RASAL3: variants seen among roughly 807,000 people sequenced by gnomAD.
RASAL3 encodes RAS protein activator like-3.
Under a neutral mutation model 105.5 loss-of-function variants are expected in RASAL3, and 74 were observed. The ratio of observed to expected loss-of-function variants is 0.70; its 90% CI spans 0.58 to 0.85. RASAL3 has a LOEUF of 0.85. Among genes scored for constraint, RASAL3 ranks in the 40% least tolerant of loss-of-function variants. The pLI is 0.00. For missense variants in RASAL3, 1,352 were observed against 1,392.0 expected (o/e 0.97, Z 0.46); for synonymous variants, 579 against 591.6 (o/e 0.98, Z 0.31).
At chr19:15,461,690 G>A in intron 2 of RASAL3, 83 bp from the exon 3 acceptor site, 2 of 1,426,216 alleles carry the variant, frequency 1.4e-6, no homozygotes, top group South Asian at 3.2e-5. Context: ...AAGGCTCATG[G>A]TGGGTTCCCT....
intron 2 of RASAL3, among the ~76,000 whole-genome samples, chr19:15,462,950 CA>C (rs1250475472): frequency 3.5e-5 from 5 of 144,388 alleles, no homozygotes; most frequent in Admixed American, 6.9e-5. Context: ...GACTCCATCT[CA>C]AAAAAAAAAT....
In RASAL3 at chr19:15,452,683, C is replaced by T. The variant is rs1970194116; in HGVS notation, c.2803G>A (p.Asp935Asn). 3 of 1,550,726 alleles carry T rather than the reference C, an allele frequency of 1.9e-6. No individual in the cohort carries two copies. The highest frequency in any genetic ancestry group is 2.0e-5 in the Admixed American group (1 of 51,026). The change falls in exon 16 of 18, where the codon GAT becomes AAT. Residue 935 changes from aspartate (D) to asparagine (N), a missense_variant. Transcript: ENST00000343625. ...CCAGCACGGAGCCTGGAGTCCAGAT[C>T]CTGCAGCTGGCCCCGCAGCTGCTCC... ...QQEQLRGQLQ[D>N]LDSRLRAGSS... is the part of the protein sequence containing the mutation.
In RASAL3 at chr19:15,457,692, GC is replaced by G; in HGVS notation, c.1030del (p.Ala344ProfsTer137). 6.9e-7 allele frequency: 1 copy of G among 1,459,256 alleles called. No homozygotes were observed. Among genetic ancestry groups the G allele is most frequent in the Non-Finnish European group, 9.0e-7 (1 of 1,108,536 alleles). The allele number at this position is 1,459,256 out of a possible 1,614,324, so 90.4% of individuals were successfully genotyped here. ...GALLARTAPR[A>X]GPGQLFWAER... ...GGCCCAGAAGAGCTGGCCTGGGCCG[GC>G]CCGAGGCGCCGTGCGTGCCAGCAGC... On this transcript the variant is annotated frameshift_variant, in exon 9 of 18. Coordinates refer to ENST00000343625, the MANE Select transcript of RASAL3 (RefSeq NM_022904.3). LOFTEE classifies it high-confidence loss of function. The surrounding 1 kb of genome is among the most constrained non-coding windows in gnomAD (Gnocchi z 8.6).
At chr19:15,458,708 C>T in intron 6 of RASAL3, 53 bp from the exon 7 acceptor site, 1 of 1,587,014 alleles carries the variant, frequency 6.3e-7, no homozygotes. Context: ...CCCCATCCCC[C>T]ATAGCCTGAA....
At position 15,457,279 on chromosome 19, in the gene RASAL3, C is replaced by A; in HGVS notation, c.1431+13G>T. 7.9e-7 allele frequency: 1 copy of A among 1,272,174 alleles called. No individual in the cohort carries two copies. Among genetic ancestry groups the A allele is most frequent in the South Asian group, 2.3e-5 (1 of 43,072 alleles). 78.8% of individuals were successfully genotyped at this position (1,272,174 alleles called of 1,614,324 possible). On this transcript the variant is annotated intron_variant, in intron 9 of 17. Transcript: ENST00000343625. This position sits in a 1 kb window ranked among gnomAD's most constrained non-coding sequence, Gnocchi z 8.6. The stretch of plus-strand genomic sequence containing the variant: ...CCCTGGTAGCCCCGGTCCGCGCTGT[C>A]GCGGTGCCGCACCTGCGCCCGGCCG...
At chr19:15,463,978 CA>C in intron 2 of RASAL3, 52 bp downstream of exon 2, 1 of 1,473,288 alleles carries the variant, frequency 6.8e-7, no homozygotes, top group Non-Finnish European at 9.1e-7. Context: ...AGACAAAACC[CA>C]AGCATCCGGC....
In RASAL3 at chr19:15,456,648, T is replaced by C; in HGVS notation, c.1432-2A>G. On this transcript the variant is annotated splice_acceptor_variant, in intron 9 of 17. Transcript: ENST00000343625. LOFTEE classifies it high-confidence loss of function. The surrounding 1 kb of genome is among the most constrained non-coding windows in gnomAD (Gnocchi z 4.4). Reference sequence around the variant, plus strand: ...AGTGCCCAGGTCAGTCACCAGCGCCTAGGAAGGGCAGGAGGTCAGGTTGCA... The same window carrying C: ...AGTGCCCAGGTCAGTCACCAGCGCCCAGGAAGGGCAGGAGGTCAGGTTGCA... 1 of 1,611,242 alleles carries C rather than the reference T, an allele frequency of 6.2e-7. No individual in the cohort carries two copies. The highest frequency in any genetic ancestry group is 8.5e-7 in the Non-Finnish European group (1 of 1,179,276).
At position 15,456,379 on chromosome 19, in the gene RASAL3, G is replaced by A; in HGVS notation, c.1576+123C>T. ...TTGGGGAGCTCCCAATTGTCCCCAG[G>A]ATCCTAGCACCCCCAAAACACCACT... is the stretch of plus-strand genomic sequence containing the variant. On this transcript the variant is annotated intron_variant, in intron 10 of 17. Transcript: ENST00000343625. The surrounding 1 kb of genome is among the most constrained non-coding windows in gnomAD (Gnocchi z 4.4). 1.3e-6 allele frequency: 2 copies of A among 1,520,086 alleles called. No individual in the cohort carries two copies. Among genetic ancestry groups the A allele is most frequent in the Non-Finnish European group, 1.8e-6 (2 of 1,124,318 alleles). The allele number at this position is 1,520,086 out of a possible 1,614,324, so 94.2% of individuals were successfully genotyped here.
Position 15,458,611 on chromosome 19 carries a change from G to A in RASAL3, c.707C>T (p.Ser236Phe), listed in dbSNP as rs1970406503. The change falls in exon 7 of 18, where the codon TCT becomes TTT. Residue 236 changes from serine (S) to phenylalanine (F), a missense_variant. Physicochemically the swap from Ser to Phe is radical, Grantham distance 155. Transcript: ENST00000343625. ...CCGCTCGGCACCCAGGTCCAGTTCA[G>A]AGAGTGTGGCCAGCGACTCCCTAGA... ...LGSRESLATL[S>F]ELDLGAERDV... is the part of the protein sequence containing the mutation. 6.2e-7 allele frequency: 1 copy of A among 1,613,684 alleles called. No individual in the cohort carries two copies. The highest frequency in any genetic ancestry group is 2.2e-5 in the East Asian group (1 of 44,876).
chr19:15,458,467 G>A (rs1287128879), intron 7 of RASAL3, 41 bp from the exon 8 acceptor site: 3 of 1,613,572 alleles, frequency 1.9e-6, no homozygotes, highest in Non-Finnish European at 2.5e-6. Context: ...CGAGGCCAAG[G>A]GTGAAGCCAA....
chr19:15,456,518 G>A lies in RASAL3; in HGVS notation c.1560C>T (p.Tyr520=). ...CCAGCTCACCCAGGGTCTCCTGGAG[G>A]TAATCCTGTGCCACGAGCTTCATGT... is the stretch of plus-strand genomic sequence containing the variant. ...DEYMKLVAQD[Y]LQETLGQVVR... The change falls in exon 10 of 18, where the codon TAC becomes TAT. Residue 520 remains tyrosine (Y), a synonymous_variant. Transcript: ENST00000343625. This position sits in a 1 kb window ranked among gnomAD's most constrained non-coding sequence, Gnocchi z 4.4. 4 of 1,613,792 alleles carry A rather than the reference G, an allele frequency of 2.5e-6. No individual in the cohort carries two copies. Among genetic ancestry groups the A allele is most frequent in the South Asian group, 1.1e-5 (1 of 91,046 alleles).
chr19:15,464,538 C>G lies in RASAL3; in HGVS notation c.-53G>C. 1 of 652,822 alleles carries G rather than the reference C, an allele frequency of 1.5e-6. No homozygotes were observed. The allele number at this position is 652,822 out of a possible 1,614,324, so 40.4% of individuals were successfully genotyped here. Reference sequence around the variant, plus strand: ...CCTGACCAGCCCCAGAATCAGCAGCCGTCTGCACCCCGCCTGGCTTCCTCC... The same window carrying G: ...CCTGACCAGCCCCAGAATCAGCAGCGGTCTGCACCCCGCCTGGCTTCCTCC... On this transcript the variant is annotated 5_prime_UTR_variant, in exon 1 of 18. Coordinates refer to ENST00000343625, the MANE Select transcript of RASAL3 (RefSeq NM_022904.3).
Position 15,464,140 on chromosome 19 carries a change from C to T in RASAL3, c.219G>A (p.Ala73=). The part of the protein sequence containing the change: ...PRSIFRRVLS[A]PPKESRTSRL... ...GACTGGTCCGTGACTCCTTGGGAGG[C>T]GCAGATAGGACCCGACGGAATATCG... is the stretch of plus-strand genomic sequence containing the variant. Residue 73 remains alanine (A), a synonymous_variant, in exon 2 of 18, where the codon GCG becomes GCA. Transcript: ENST00000343625. 3 of 1,613,536 alleles carry T rather than the reference C, an allele frequency of 1.9e-6. No individual in the cohort carries two copies. Among genetic ancestry groups the T allele is most frequent in the African/African-American group, 2.7e-5 (2 of 74,972 alleles).
Position 15,456,534 on chromosome 19 carries a change from A to C in RASAL3, c.1544T>G (p.Leu515Arg). ...ATKAIDEYMKLVAQDYLQETL... is the reference protein window; with the variant it reads ...ATKAIDEYMKRVAQDYLQETL... ...CTCCTGGAGGTAATCCTGTGCCACG[A>C]GCTTCATGTACTCATCGATAGCCTT... Residue 515 changes from leucine (L) to arginine (R), a missense_variant, in exon 10 of 18, where the codon CTC becomes CGC. By Grantham distance (102) the Leu-to-Arg change is moderately radical. This residue lies in a region of RASAL3 where 920 missense variants were observed against 919.6 expected (regional missense o/e 1.00). Coordinates refer to ENST00000343625, the MANE Select transcript of RASAL3 (RefSeq NM_022904.3). The surrounding 1 kb of genome is among the most constrained non-coding windows in gnomAD (Gnocchi z 4.4). The C allele has an allele frequency of 6.2e-7, 1 of 1,613,768 alleles. No homozygotes were observed. Among genetic ancestry groups the C allele is most frequent in the Non-Finnish European group, 8.5e-7 (1 of 1,179,802 alleles).
chr19:15,461,137 G>A lies in RASAL3; in HGVS notation c.545-16C>T. The A allele has an allele frequency of 6.2e-7, 1 of 1,613,792 alleles. No homozygotes were observed. On this transcript the variant is annotated splice_polypyrimidine_tract_variant and intron_variant, in intron 4 of 17. Transcript: ENST00000343625. ...GGCATCCGATCTGTGGGTCGTTATGGGTGGCAGGTTGGGGGGTTGGATTCT... is the reference window on the plus strand; with the variant it reads ...GGCATCCGATCTGTGGGTCGTTATGAGTGGCAGGTTGGGGGGTTGGATTCT...
Position 15,461,302 on chromosome 19 carries a change from C to G in RASAL3, c.466-6G>C. The G allele has an allele frequency of 1.2e-6, 2 of 1,612,398 alleles. No homozygotes were observed. Among genetic ancestry groups the G allele is most frequent in the Non-Finnish European group, 1.7e-6 (2 of 1,179,288 alleles). On this transcript the variant is annotated splice_polypyrimidine_tract_variant and splice_region_variant and intron_variant, in intron 3 of 17. Transcript: ENST00000343625. ...ACCCGGGGCCTTCGAGGACCCTGTT[C>G]TCCCGCAGGAGTGGGTAGTCAGAGA...
rs1433696134 is a variant in RASAL3, at chr19:15,457,350, G to A, written c.1373C>T (p.Ala458Val). The change falls in exon 9 of 18, where the codon GCC (alanine) becomes GTC (valine). Residue 458 changes from alanine (A) to valine (V), a missense_variant. Physicochemically the swap from Ala to Val is moderately conservative, Grantham distance 64. This residue lies in a region of RASAL3 where 920 missense variants were observed against 919.6 expected (regional missense o/e 1.00). Transcript: ENST00000343625. This position sits in a 1 kb window ranked among gnomAD's most constrained non-coding sequence, Gnocchi z 8.6. ...GALEPALPAQAKEELAAAMVR... is the reference protein window; with the variant it reads ...GALEPALPAQVKEELAAAMVR... The stretch of plus-strand genomic sequence containing the variant: ...CATGGCTGCCGCCAGCTCCTCCTTG[G>A]CCTGCGCAGGCAGCGCGGGCTCCAG... 7.1e-7 allele frequency: 1 copy of A among 1,407,454 alleles called. No individual in the cohort carries two copies. The highest frequency in any genetic ancestry group is 9.2e-7 in the Non-Finnish European group (1 of 1,088,896). 87.2% of individuals were successfully genotyped at this position (1,407,454 alleles called of 1,614,324 possible). A position where few individuals can be genotyped will look rare whatever the true frequency, so the allele number is the denominator to read the frequency against.
Position 15,464,300 on chromosome 19 carries a change from A to G in RASAL3, c.59T>C (p.Leu20Pro). ...CCCTGTGTGCCAGCGGTAGGAAGTCAGCGGAGAGGTGGCTGTGGGCTGGGT... is the reference window on the plus strand; with the variant it reads ...CCCTGTGTGCCAGCGGTAGGAAGTCGGCGGAGAGGTGGCTGTGGGCTGGGT... Reference protein sequence around the residue: ...SQTQPTATSPLTSYRWHTGGG... With the variant: ...SQTQPTATSPPTSYRWHTGGG... The change falls in exon 2 of 18, where the codon CTG (leucine) becomes CCG (proline). Residue 20 changes from leucine to proline, a missense_variant. Physicochemically the swap from Leu to Pro is moderately conservative, Grantham distance 98. This residue lies in a region of RASAL3 where 344 missense variants were observed against 339.6 expected (regional missense o/e 1.01). Transcript: ENST00000343625. 1.5e-6 allele frequency: 2 copies of G among 1,335,116 alleles called. No individual in the cohort carries two copies. The highest frequency in any genetic ancestry group is 1.2e-5 in the South Asian group (1 of 80,456). The allele number at this position is 1,335,116 out of a possible 1,614,324, so 82.7% of individuals were successfully genotyped here. A position where few individuals can be genotyped will look rare whatever the true frequency, so the allele number is the denominator to read the frequency against.
intron 11 of RASAL3, among the ~76,000 whole-genome samples, chr19:15,455,171 GGGGATACA>G (rs1970280242): frequency 6.6e-6 from 1 of 152,152 alleles, no homozygotes; most frequent in South Asian, 2.1e-4. Context: ...TCTTATAGTT[GGGGATACA>G]GGGTCACATG....
Sources: gnomAD v4.1 joint callset for allele counts (sites outside exome capture counted in the v4.1 genomes callset) on GRCh38, gnomAD v4.1.1 for gene constraint, gnomAD v4.1.1 regional missense constraint, Gnocchi (gnomAD v3.1) non-coding constraint, MANE v1.5 for transcripts, NCBI Gene and HGNC (gene_info 2026-07-23, HGNC 2026-07-21) for gene names.